The following THSD7B variants were observed in gnomAD, a reference collection of about 807,000 sequenced individuals.
THSD7B encodes thrombospondin type-1 domain-containing protein 7B.
THSD7B carries 138 observed loss-of-function variants against 213.6 expected under a neutral mutation model. That is an observed-to-expected ratio of 0.65 (90% CI 0.56 to 0.74). The LOEUF is 0.74. THSD7B is among the 30% of genes least tolerant of loss of function. THSD7B has a pLI of 0.00. For missense variants in THSD7B, 1,931 were observed against 1,991.5 expected (o/e 0.97, Z 0.58); for synonymous variants, 742 against 687.0 (o/e 1.08, Z -1.25).
At chr2:137,495,785 A>G (rs1279449678) in intron 15 of THSD7B, among the ~76,000 whole-genome samples, 1 of 152,166 alleles carries the variant, frequency 6.6e-6, no homozygotes, top group South Asian at 2.1e-4. Flanking sequence ...TTCTGCTCCA[A>G]TAGAGCTTTG....
At chr2:137,468,498 C>T (rs1396887386) in intron 15 of THSD7B, among the ~76,000 whole-genome samples, 3 of 151,692 alleles carry the variant, frequency 2.0e-5, no homozygotes, top group Non-Finnish European at 4.4e-5. Context: ...GTCTTATCTT[C>T]TATCGCCATT....
chr2:137,329,739 A>G (rs548040387), intron 12 of THSD7B, among the ~76,000 whole-genome samples: 26 of 152,328 alleles, frequency 1.7e-4, no homozygotes, highest in African/African-American at 5.8e-4. Flanking sequence ...TTTGCCTGAC[A>G]ATGTAATAGG....
chr2:137,150,977 AC>A (rs1380419609), intron 5 of THSD7B, among the ~76,000 whole-genome samples: 2 of 152,204 alleles, frequency 1.3e-5, no homozygotes, highest in Admixed American at 6.5e-5. Context: ...TAGGGCACTT[AC>A]ATGAATTGGG....
chr2:137,509,367 C>T (rs1679912068), intron 15 of THSD7B, among the ~76,000 whole-genome samples: 1 of 144,096 alleles, frequency 6.9e-6, no homozygotes, highest in African/African-American at 2.6e-5. Context: ...TCCTTCCTCC[C>T]TTCCTTTCTT....
chr2:137,360,500 C>T (rs1445880460), intron 12 of THSD7B, among the ~76,000 whole-genome samples: 1 of 152,150 alleles, frequency 6.6e-6, no homozygotes, highest in East Asian at 1.9e-4. Context: ...AAAATCGGGA[C>T]ACTGCCACCT....
intron 5 of THSD7B, among the ~76,000 whole-genome samples, chr2:137,123,280 T>C (rs1573837046): frequency 6.6e-6 from 1 of 152,040 alleles, no homozygotes; most frequent in Non-Finnish European, 1.5e-5. Flanking sequence ...AGCCTGGAAG[T>C]GTAGGGGTCT....
intron 2 of THSD7B, among the ~76,000 whole-genome samples, chr2:136,952,181 AT>A (rs1054338679): frequency 2.6e-5 from 4 of 152,030 alleles, no homozygotes; most frequent in African/African-American, 9.7e-5. Context: ...TTTTTATTAA[AT>A]GTGTTTTAAA....
At chr2:137,319,995 T>A (rs1684227148) in intron 12 of THSD7B, among the ~76,000 whole-genome samples, 1 of 152,136 alleles carries the variant, frequency 6.6e-6, no homozygotes, top group South Asian at 2.1e-4. Flanking sequence ...GATGGAGACA[T>A]TCACTGAGGA....
At chr2:136,927,724 G>A (rs1684564022) in intron 2 of THSD7B, among the ~76,000 whole-genome samples, 2 of 152,168 alleles carry the variant, frequency 1.3e-5, no homozygotes, top group Admixed American at 6.5e-5. Flanking sequence ...TAGATAGTGA[G>A]GACTGACTGA....
intron 2 of THSD7B, among the ~76,000 whole-genome samples, chr2:136,903,101 A>T (rs547927230): frequency 1.3e-5 from 2 of 152,206 alleles, no homozygotes; most frequent in Non-Finnish European, 2.9e-5. Flanking sequence ...TGTAGCATTT[A>T]CGATGGCCCT....
intron 5 of THSD7B, among the ~76,000 whole-genome samples, chr2:137,138,244 A>G (rs964155268): frequency 6.6e-6 from 1 of 152,106 alleles, no homozygotes; most frequent in Non-Finnish European, 1.5e-5. Context: ...ATTTTGAGTA[A>G]GTAATTGAGA....
chr2:136,903,428 T>C (rs1160046408), intron 2 of THSD7B, among the ~76,000 whole-genome samples: 2 of 152,204 alleles, frequency 1.3e-5, no homozygotes, highest in Non-Finnish European at 2.9e-5. Flanking sequence ...GTTTTGTTGT[T>C]GCTGTTGTTT....
intron 2 of THSD7B, among the ~76,000 whole-genome samples, chr2:136,996,485 G>A (rs1339645112): frequency 1.3e-5 from 2 of 151,716 alleles, no homozygotes; most frequent in Non-Finnish European, 2.9e-5. Context: ...GGCACTACAG[G>A]CATGTACCAC....
chr2:137,623,584 C>G (rs1341054293), intron 20 of THSD7B, among the ~76,000 whole-genome samples: 8 of 152,300 alleles, frequency 5.3e-5, no homozygotes, highest in African/African-American at 1.9e-4. Flanking sequence ...AAAACCCCAT[C>G]ATCTCAGCCC....
At chr2:136,913,081 A>G (rs1411708705) in intron 2 of THSD7B, among the ~76,000 whole-genome samples, 1 of 152,208 alleles carries the variant, frequency 6.6e-6, no homozygotes, top group African/African-American at 2.4e-5. Flanking sequence ...TGATAGTGAT[A>G]TGGACAACAA....
intron 15 of THSD7B, among the ~76,000 whole-genome samples, chr2:137,557,813 A>G (rs915681848): frequency 2.6e-5 from 4 of 152,134 alleles, no homozygotes; most frequent in Non-Finnish European, 2.9e-5. Context: ...TTGATAGACC[A>G]CTAGCAAGAC....
intron 12 of THSD7B, among the ~76,000 whole-genome samples, chr2:137,302,475 C>G (rs1267095257): frequency 1.3e-5 from 2 of 151,994 alleles, no homozygotes; most frequent in East Asian, 3.8e-4. Flanking sequence ...TTGGCCTTGA[C>G]AAGAACAGTT....
At chr2:136,934,007 A>G (rs1684677691) in intron 2 of THSD7B, among the ~76,000 whole-genome samples, 1 of 152,200 alleles carries the variant, frequency 6.6e-6, no homozygotes, top group Admixed American at 6.5e-5. Context: ...AAATTCAGAC[A>G]GTTTGCCAGG....
intron 10 of THSD7B, among the ~76,000 whole-genome samples, chr2:137,258,884 G>A (rs1371461710): frequency 6.6e-6 from 1 of 151,474 alleles, no homozygotes; most frequent in Non-Finnish European, 1.5e-5. Flanking sequence ...CCTCCCCTGT[G>A]TCCATGTGTT....
Sources: gnomAD v4.1 joint callset for allele counts (sites outside exome capture counted in the v4.1 genomes callset) on GRCh38, gnomAD v4.1.1 for gene constraint, MANE v1.5 for transcripts, NCBI Gene and HGNC (gene_info 2026-07-23, HGNC 2026-07-21) for gene names.